The following INSR variants were observed in gnomAD, a reference collection of about 807,000 sequenced individuals.
INSR encodes insulin receptor, also known as IR.
A neutral mutation model predicts 142.6 loss-of-function variants in INSR; 67 were observed. That is an observed-to-expected ratio of 0.47 (90% CI 0.39 to 0.58). The LOEUF is 0.58. Ranked by LOEUF, INSR falls within the 20% of genes least tolerant of loss-of-function variation. The pLI is 0.00. For missense variants in INSR, 1,248 were observed against 1,833.2 expected, an observed-to-expected ratio of 0.68 and a Z score of 5.83; for synonymous variants, 756 against 743.1, an observed-to-expected ratio of 1.02 and a Z score of -0.28.
At chr19:7,256,134 A>G (rs1411826768) in intron 2 of INSR, among the ~76,000 whole-genome samples, 1 of 152,134 alleles carries the variant, frequency 6.6e-6, no homozygotes, top group East Asian at 1.9e-4. Context: ...ATTTTAAAAT[A>G]AAATAAAAAT....
chr19:7,176,617 A>G (rs1171764327), intron 3 of INSR, among the ~76,000 whole-genome samples: 1 of 151,822 alleles, frequency 6.6e-6, no homozygotes, highest in Non-Finnish European at 1.5e-5. Flanking sequence ...AACAAACAAA[A>G]CTATGTAGCA....
chr19:7,247,920 G>T (rs1047778717), intron 2 of INSR, among the ~76,000 whole-genome samples: 29 of 152,116 alleles, frequency 1.9e-4, no homozygotes, highest in African/African-American at 6.8e-4. Flanking sequence ...TACTTAAATT[G>T]CCACATGTGG....
rs1433422179 is a variant in INSR, at chr19:7,168,105, T to G, written c.1484-11A>C. 3 of 1,613,542 alleles carry G rather than the reference T, an allele frequency of 1.9e-6. No homozygotes were observed. The highest frequency in any genetic ancestry group is 2.5e-6 in the Non-Finnish European group (3 of 1,179,706). On this transcript the variant is annotated splice_polypyrimidine_tract_variant and intron_variant, in intron 6 of 21. Coordinates refer to ENST00000302850, the MANE Select transcript of INSR (RefSeq NM_000208.4). This position sits in a 1 kb window ranked among gnomAD's most constrained non-coding sequence, Gnocchi z 4.3. ...GTAACTCATTTTCACCTGGAAAAGT[T>G]AAAACAAAAGGCAAAAATGAGCTAT...
chr19:7,146,920 T>C (rs1375417668), intron 11 of INSR, among the ~76,000 whole-genome samples: 3 of 152,244 alleles, frequency 2.0e-5, no homozygotes, highest in Non-Finnish European at 2.9e-5. Context: ...GTTTGTGTTT[T>C]CCCTTTGATT....
chr19:7,226,876 C>G (rs113607828), intron 2 of INSR, among the ~76,000 whole-genome samples: 7 of 152,252 alleles, frequency 4.6e-5, no homozygotes, highest in African/African-American at 1.7e-4. Flanking sequence ...AACTAATGCC[C>G]TCCTCCTCCT....
At chr19:7,242,067 G>A (rs1217737174) in intron 2 of INSR, among the ~76,000 whole-genome samples, 1 of 151,358 alleles carries the variant, frequency 6.6e-6, no homozygotes. Flanking sequence ...CAGGAGAATT[G>A]CTTTGAACTC....
chr19:7,199,997 T>C (rs1274624574), intron 2 of INSR, among the ~76,000 whole-genome samples: 1 of 151,982 alleles, frequency 6.6e-6, no homozygotes, highest in African/African-American at 2.4e-5. Context: ...GAACAGTACA[T>C]GCAAATGTGT....
In INSR at chr19:7,122,921, T is replaced by C. The variant is rs1599870890; in HGVS notation, c.3327A>G (p.Gly1109=). 4 of 1,608,626 alleles carry C rather than the reference T, an allele frequency of 2.5e-6. No homozygotes were observed. Among genetic ancestry groups the C allele is most frequent in the Non-Finnish European group, 3.4e-6 (4 of 1,178,430 alleles). Residue 1109 remains glycine (G), a synonymous_variant, in exon 18 of 22, where the codon GGA becomes GGG. Coordinates refer to ENST00000302850, the MANE Select transcript of INSR (RefSeq NM_000208.4). ...GAGAACGGAGGTAGCTCTTCAGGTC[T>C]CCGTGAGCCATCAGCTCCATCACCA... ...TLVVMELMAH[G]DLKSYLRSLR...
rs774068124 is a variant in INSR, at chr19:7,184,552, G to C, written c.738C>G (p.Pro246=). Residue 246 remains proline (P), a synonymous_variant, in exon 3 of 22, where the codon CCC becomes CCG. Coordinates refer to ENST00000302850, the MANE Select transcript of INSR (RefSeq NM_000208.4). The part of the protein sequence containing the change: ...HSECLGNCSQ[P]DDPTKCVACR... ...AGGCCACGCACTTGGTGGGGTCGTC[G>C]GGCTGAGAACAGTTGCCCAGGCACT... is the stretch of plus-strand genomic sequence containing the variant. 7 of 1,613,692 alleles carry C rather than the reference G, an allele frequency of 4.3e-6. No homozygotes were observed. The highest frequency in any genetic ancestry group is 5.1e-6 in the Non-Finnish European group (6 of 1,179,952).
chr19:7,230,733 G>A (rs562589001), intron 2 of INSR, among the ~76,000 whole-genome samples: 5 of 150,674 alleles, frequency 3.3e-5, no homozygotes, highest in Non-Finnish European at 7.4e-5. Context: ...GCTTGAATCC[G>A]AGAGGCGGAG....
At chr19:7,234,760 T>C (rs898282190) in intron 2 of INSR, among the ~76,000 whole-genome samples, 7 of 152,146 alleles carry the variant, frequency 4.6e-5, no homozygotes, top group African/African-American at 1.7e-4. Context: ...CAAAAATCTC[T>C]TCTTAAAAAT....
At chr19:7,238,962 CAAAAAA>C (rs71177185) in intron 2 of INSR, among the ~76,000 whole-genome samples, 3 of 77,880 alleles carry the variant, frequency 3.9e-5, no homozygotes, top group South Asian at 1.1e-3. Flanking sequence ...GATGAATTCT[CAAAAAA>C]AAAAAAAAAA....
Position 7,116,794 on chromosome 19 carries a change from T to C in INSR, c.*262A>G. Reference sequence around the variant, plus strand: ...GGGGGAACGAAAAAACACAAAATCCTGGTTTGAAACCGTCGTTGCCCCAAA... The same window carrying C: ...GGGGGAACGAAAAAACACAAAATCCCGGTTTGAAACCGTCGTTGCCCCAAA... On this transcript the variant is annotated 3_prime_UTR_variant, in exon 22 of 22. Coordinates refer to ENST00000302850, the MANE Select transcript of INSR (RefSeq NM_000208.4). The C allele has an allele frequency of 6.1e-6, 2 of 326,582 alleles. No individual in the cohort carries two copies. The allele number at this position is 326,582 out of a possible 1,614,324, so 20.2% of individuals were successfully genotyped here.
intron 9 of INSR, 98 bp from the exon 10 acceptor site, chr19:7,153,025 A>ACC: frequency 4.1e-6 from 2 of 489,346 alleles, no homozygotes; most frequent in Admixed American, 4.1e-5. Context: ...ACACACACAC[A>ACC]CCACACACAC....
In INSR at chr19:7,174,664, T is replaced by A. The variant is rs767336985; in HGVS notation, c.1042A>T (p.Ile348Phe). 1.2e-6 allele frequency: 2 copies of A among 1,610,588 alleles called. No homozygotes were observed. The highest frequency in any genetic ancestry group is 2.2e-5 in the South Asian group (2 of 90,960). The change falls in exon 4 of 22, where the codon ATC becomes TTC. Residue 348 changes from isoleucine to phenylalanine, a missense_variant. By Grantham distance (21) the Ile-to-Phe change is conservative. Transcript: ENST00000302850. The part of the protein sequence containing the change: ...VCHLLEGEKT[I>F]DSVTSAQELR... ...TCCTGGGCAGACGTCACCGAGTCGATGGTCTTCTCGCCTTCTAGGAGGTGG... is the reference window on the plus strand; with the variant it reads ...TCCTGGGCAGACGTCACCGAGTCGAAGGTCTTCTCGCCTTCTAGGAGGTGG...
rs1976492862 is a variant in INSR, at chr19:7,244,978, C to T, written c.652+22367G>A. Among the ~76,000 whole-genome samples the T allele has an allele frequency of 1.4e-5, 2 of 146,436 alleles. 1 individual carries two copies. Among genetic ancestry groups the T allele is most frequent in the South Asian group, 4.4e-4 (2 of 4,586 alleles). On this transcript the variant is annotated intron_variant, in intron 2 of 21. Coordinates refer to ENST00000302850, the MANE Select transcript of INSR (RefSeq NM_000208.4). The stretch of plus-strand genomic sequence containing the variant: ...CAAGATGGAGTCTCGCTCTGTCGCC[C>T]AGGCTGGAGTGCAGTGGCATGATCT...
chr19:7,209,059 C>G (rs1975199233), intron 2 of INSR, among the ~76,000 whole-genome samples: 1 of 152,204 alleles, frequency 6.6e-6, no homozygotes, highest in African/African-American at 2.4e-5. Context: ...ACTCAGGAGG[C>G]TGAGGCATGG....
intron 19 of INSR, 104 bp downstream of exon 19, chr19:7,122,510 T>G: frequency 7.9e-7 from 1 of 1,266,570 alleles, no homozygotes; most frequent in Non-Finnish European, 1.2e-6. Flanking sequence ...ATCTTGCCCC[T>G]TTATATTATC....
At chr19:7,210,223 T>A (rs1435973203) in intron 2 of INSR, among the ~76,000 whole-genome samples, 1 of 151,428 alleles carries the variant, frequency 6.6e-6, no homozygotes, top group Non-Finnish European at 1.5e-5. Context: ...TGTGTGACTG[T>A]AATCCCAGTT....
Sources: allele counts gnomAD v4.1 joint callset (sites outside exome capture counted in the v4.1 genomes callset), GRCh38; gene constraint gnomAD v4.1.1; non-coding constraint Gnocchi (gnomAD v3.1); transcripts MANE v1.5; gene names NCBI Gene and HGNC (gene_info 2026-07-23, HGNC 2026-07-21).